PRKD3: variants seen among roughly 807,000 people sequenced by gnomAD.
The protein encoded by PRKD3 is protein kinase D3.
PRKD3 carries 47 observed loss-of-function variants against 99.2 expected under a neutral mutation model. That is an observed-to-expected ratio of 0.47 (90% CI 0.38 to 0.60). The LOEUF (loss-of-function observed/expected upper bound fraction) is 0.60, where lower values mean the gene tolerates loss of function less well. Ranked by LOEUF, PRKD3 falls within the 20% of genes least tolerant of loss-of-function variation. The pLI, the probability that PRKD3 is intolerant of heterozygous loss-of-function variation, is 0.00. For missense variants in PRKD3, 1,019 were observed against 1,088.4 expected, an observed-to-expected ratio of 0.94 and a Z score of 0.90; for synonymous variants, 392 against 355.4, an observed-to-expected ratio of 1.10 and a Z score of -1.16.
intron 2 of PRKD3, among the ~76,000 whole-genome samples, chr2:37,300,757 A>C (rs1266662012): frequency 6.6e-6 from 1 of 152,236 alleles, no homozygotes; most frequent in African/African-American, 2.4e-5. Flanking sequence ...GCAATACCCA[A>C]TGAGTAATCC....
rs1335575272 is a variant in PRKD3 at position 37,316,979 on chromosome 2, T to C, written c.-455A>G. 3 of 988,154 alleles carry C rather than the reference T, an allele frequency of 3.0e-6. No individual in the cohort carries two copies. Among genetic ancestry groups the C allele is most frequent in the Non-Finnish European group, 3.6e-6 (3 of 831,926 alleles). 61.2% of individuals were successfully genotyped at this position (988,154 alleles called of 1,614,324 possible). On this transcript the variant is annotated 5_prime_UTR_variant, in exon 2 of 19. Coordinates refer to ENST00000234179, the MANE Select transcript of PRKD3 (RefSeq NM_005813.6). Reference sequence around the variant, plus strand: ...GTTTTGGATTAATCTATTCAGTACTTTTCCTTTGGTTTACTAATTTGATAG... The same window carrying C: ...GTTTTGGATTAATCTATTCAGTACTCTTCCTTTGGTTTACTAATTTGATAG...
chr2:37,272,376 T>A lies in PRKD3; in HGVS notation c.1704+4A>T. On this transcript the variant is annotated splice_donor_region_variant and intron_variant, in intron 12 of 18. Transcript: ENST00000234179. ...TTTACACATTAGCTATAACGATTAC[T>A]TACCACATTCTCCTGAATCTGACAA... 6.2e-7 allele frequency: 1 copy of A among 1,605,608 alleles called. No individual in the cohort carries two copies. Among genetic ancestry groups the A allele is most frequent in the South Asian group, 1.1e-5 (1 of 88,680 alleles).
intron 2 of PRKD3, among the ~76,000 whole-genome samples, chr2:37,299,325 AAG>A (rs1307920459): frequency 6.6e-6 from 1 of 152,158 alleles, no homozygotes; most frequent in Non-Finnish European, 1.5e-5. Flanking sequence ...CTCCTTGAGT[AAG>A]ACCTGAAAAG....
At chr2:37,262,540 A>C (rs1391345382) in intron 14 of PRKD3, among the ~76,000 whole-genome samples, 1 of 152,228 alleles carries the variant, frequency 6.6e-6, no homozygotes, top group Non-Finnish European at 1.5e-5. Context: ...TATAGTAGAT[A>C]AATGAAACTC....
At chr2:37,296,333 T>C (rs1399026671) in intron 2 of PRKD3, among the ~76,000 whole-genome samples, 1 of 152,166 alleles carries the variant, frequency 6.6e-6, no homozygotes. Context: ...AACATGAAGT[T>C]GGTATTAAGA....
rs1671691810 is a variant in PRKD3 at position 37,316,945 on chromosome 2, A to C, written c.-421T>G. 4.0e-6 allele frequency: 4 copies of C among 999,330 alleles called. No individual in the cohort carries two copies. Among genetic ancestry groups the C allele is most frequent in the Non-Finnish European group, 4.8e-6 (4 of 838,728 alleles). The allele number at this position is 999,330 out of a possible 1,614,324, so 61.9% of individuals were successfully genotyped here. A position where few individuals can be genotyped will look rare whatever the true frequency, so the allele number is the denominator to read the frequency against. On this transcript the variant is annotated 5_prime_UTR_variant, in exon 2 of 19. Coordinates refer to ENST00000234179, the MANE Select transcript of PRKD3 (RefSeq NM_005813.6). Reference sequence around the variant, plus strand: ...AGGTGAAATCCTCTTCGTTTAAAAAACAGTAAGTGTTTTGGATTAATCTAT... The same window carrying C: ...AGGTGAAATCCTCTTCGTTTAAAAACCAGTAAGTGTTTTGGATTAATCTAT...
Position 37,253,346 on chromosome 2 carries a change from T to C in PRKD3, c.2504A>G (p.Tyr835Cys). Residue 835 changes from tyrosine to cysteine, a missense_variant, in exon 19 of 19, where the codon TAT (tyrosine) becomes TGT (cysteine). Tyr to Cys is a radical substitution (Grantham distance 194). Coordinates refer to ENST00000234179, the MANE Select transcript of PRKD3 (RefSeq NM_005813.6). ...TTCTCTAAGGTCAAGCCAAGTCTGATAGTCCTAGGAGAAAATGAAATTGTA... is the reference window on the plus strand; with the variant it reads ...TTCTCTAAGGTCAAGCCAAGTCTGACAGTCCTAGGAGAAAATGAAATTGTA... The part of the protein sequence containing the change: ...KSLSHPWLQD[Y>C]QTWLDLREFE... 4 of 1,610,226 alleles carry C rather than the reference T, an allele frequency of 2.5e-6. No homozygotes were observed. The highest frequency in any genetic ancestry group is 3.4e-6 in the Non-Finnish European group (4 of 1,177,286).
Position 37,293,193 on chromosome 2 carries a change from G to T in PRKD3, c.367C>A (p.Gln123Lys). 1 of 1,604,992 alleles carries T rather than the reference G, an allele frequency of 6.2e-7. No homozygotes were observed. Among genetic ancestry groups the T allele is most frequent in the Non-Finnish European group, 8.5e-7 (1 of 1,172,930 alleles). Residue 123 changes from glutamine (Q) to lysine (K), a missense_variant, in exon 3 of 19, where the codon CAG becomes AAG. Gln to Lys is a moderately conservative substitution (Grantham distance 53). Transcript: ENST00000234179. ...RHDMNSENIL[Q>K]LITSADEIHE... ...ATTTCATCTGCTGAGGTAATCAGCT[G>T]CAAAATGTTTTCTGAGTTCATGTCA...
intron 2 of PRKD3, among the ~76,000 whole-genome samples, chr2:37,313,808 T>A (rs530026336): frequency 1.3e-5 from 2 of 152,186 alleles, no homozygotes; most frequent in Non-Finnish European, 2.9e-5. Context: ...CAACTTACAA[T>A]AGGATAAACT....
intron 2 of PRKD3, among the ~76,000 whole-genome samples, chr2:37,304,520 C>A (rs530524756): frequency 6.6e-6 from 1 of 151,998 alleles, no homozygotes; most frequent in Non-Finnish European, 1.5e-5. Context: ...GCAGATGGAT[C>A]GCCTGAGGAC....
intron 17 of PRKD3, 72 bp downstream of exon 17, chr2:37,256,590 G>C (rs1019677097): frequency 7.1e-7 from 1 of 1,414,174 alleles, no homozygotes; most frequent in Non-Finnish European, 9.3e-7. Flanking sequence ...ACTGATTTGG[G>C]ATGAGAAAGA....
chr2:37,273,275 TTC>T, intron 11 of PRKD3, among the ~76,000 whole-genome samples: 1 of 152,194 alleles, frequency 6.6e-6, no homozygotes, highest in Middle Eastern at 3.4e-3. Flanking sequence ...TGACATAGAG[TTC>T]TGTCTAAAAA....
intron 2 of PRKD3, among the ~76,000 whole-genome samples, chr2:37,305,223 C>G (rs549732273): frequency 6.6e-6 from 1 of 152,074 alleles, no homozygotes; most frequent in African/African-American, 2.4e-5. Flanking sequence ...TCTACAGAGA[C>G]GATGCAGTTA....
At position 37,275,821 on chromosome 2, in the gene PRKD3, A is replaced by G; in HGVS notation, c.1320T>C (p.Leu440=). ...DNLRKRHYWR[L]DSKCLTLFQN... ...GAAATAATGTTAGACATTTGCTGTC[A>G]AGTCTCCAATAATGCCTCTTTCTCT... Residue 440 remains leucine, a synonymous_variant, in exon 10 of 19, where the codon CTT becomes CTC. Transcript: ENST00000234179. The G allele has an allele frequency of 1.2e-6, 2 of 1,608,892 alleles. No homozygotes were observed. The highest frequency in any genetic ancestry group is 2.2e-5 in the South Asian group (2 of 89,542).
At chr2:37,285,346 G>A (rs1558553765) in intron 6 of PRKD3, among the ~76,000 whole-genome samples, 1 of 152,228 alleles carries the variant, frequency 6.6e-6, no homozygotes, top group East Asian at 1.9e-4. Context: ...CCAGTATGCT[G>A]TTAAAAACTT....
intron 18 of PRKD3, 40 bp from the exon 19 acceptor site, chr2:37,253,390 C>A (rs1357413937): frequency 1.3e-6 from 2 of 1,528,208 alleles, no homozygotes; most frequent in South Asian, 1.2e-5. Context: ...ACAAAAGAAA[C>A]AAAATACTGT....
intron 2 of PRKD3, among the ~76,000 whole-genome samples, chr2:37,301,516 C>A (rs1472074750): frequency 6.6e-6 from 1 of 151,910 alleles, no homozygotes; most frequent in Non-Finnish European, 1.5e-5. Flanking sequence ...TCACTGCAAC[C>A]TCAAACTCCT....
chr2:37,254,335 G>T (rs1394287362), intron 17 of PRKD3, 46 bp from the exon 18 acceptor site: 7 of 1,473,446 alleles, frequency 4.8e-6, no homozygotes, highest in Non-Finnish European at 4.8e-6. Context: ...GGTGCACAGA[G>T]TACCCCAAAC....
rs535049255 is a variant in PRKD3 at position 37,306,690 on chromosome 2, T to A, written c.288+9547A>T. ...CGAGCGTGGTGGCCGGAGTCTGTGGTCCAGCTACTTAGGGAGGGTGAGGTG... is the reference window on the plus strand; with the variant it reads ...CGAGCGTGGTGGCCGGAGTCTGTGGACCAGCTACTTAGGGAGGGTGAGGTG... On this transcript the variant is annotated intron_variant, in intron 2 of 18. Coordinates refer to ENST00000234179, the MANE Select transcript of PRKD3 (RefSeq NM_005813.6). Among the ~76,000 whole-genome samples, 9 of 152,156 alleles carry A rather than the reference T, an allele frequency of 5.9e-5. No individual in the cohort carries two copies. The South Asian group carries it at 1.9e-3, about 32-fold the overall frequency.
Sources: gnomAD v4.1 joint callset for allele counts (sites outside exome capture counted in the v4.1 genomes callset) on GRCh38, gnomAD v4.1.1 for gene constraint, MANE v1.5 for transcripts, NCBI Gene and HGNC (gene_info 2026-07-23, HGNC 2026-07-21) for gene names.